Variants in ADGRF3 observed in about 807,000 individuals in gnomAD.
The protein encoded by ADGRF3 is adhesion G protein-coupled receptor F3, also known as G protein-coupled receptor 113.
A neutral mutation model predicts 93.2 loss-of-function variants in ADGRF3; 85 were observed. The ratio of observed to expected loss-of-function variants is 0.91; its 90% CI spans 0.77 to 1.09. ADGRF3 has a LOEUF of 1.09. Among genes scored for constraint, ADGRF3 ranks in the 50% least tolerant of loss-of-function variants. The pLI, the probability that ADGRF3 is intolerant of heterozygous loss-of-function variation, is 0.00. For missense variants in ADGRF3, 1,125 were observed against 1,246.2 expected (o/e 0.90, Z 1.46); for synonymous variants, 534 against 532.5 (o/e 1.00, Z -0.04).
chr2:26,338,331 G>A (rs112129212), intron 1 of ADGRF3, among the ~76,000 whole-genome samples: 1 of 152,166 alleles, frequency 6.6e-6, no homozygotes, highest in African/African-American at 2.4e-5. Context: ...CTGGGCAACA[G>A]AGTGAGACCC....
At position 26,311,550 on chromosome 2, in the gene ADGRF3, C is replaced by T. The variant is rs764308681; in HGVS notation, c.1974G>A (p.Arg658=). 6.2e-7 allele frequency: 1 copy of T among 1,614,008 alleles called. No individual in the cohort carries two copies. The highest frequency in any genetic ancestry group is 8.5e-7 in the Non-Finnish European group (1 of 1,179,904). Residue 658 remains arginine, a synonymous_variant, in exon 10 of 14, where the codon AGG becomes AGA. Coordinates refer to ENST00000651242, the MANE Select transcript of ADGRF3 (RefSeq NM_001321971.2). ...VFWDHSLFQG[R]GGWSKEGCQA... Reference sequence around the variant, plus strand: ...GGCACCCTTCTTTGGACCAACCCCCCCTGCCCTGGAAGAGACTGTGATCCC... The same window carrying T: ...GGCACCCTTCTTTGGACCAACCCCCTCTGCCCTGGAAGAGACTGTGATCCC...
intron 9 of ADGRF3, among the ~76,000 whole-genome samples, chr2:26,312,596 C>T (rs935865801): frequency 6.6e-5 from 10 of 152,186 alleles, no homozygotes; most frequent in African/African-American, 1.9e-4. Flanking sequence ...TACAGAGAGC[C>T]GATTTAGGTG....
At chr2:26,319,154 G>T (rs569768854) in intron 1 of ADGRF3, 79 of 1,235,550 alleles carry the variant, frequency 6.4e-5, no homozygotes, top group Non-Finnish European at 8.8e-5. Context: ...GAGGGAGCCA[G>T]GGCTGAATTT....
intron 1 of ADGRF3, among the ~76,000 whole-genome samples, chr2:26,335,343 C>T (rs1278621244): frequency 1.3e-5 from 2 of 152,156 alleles, no homozygotes; most frequent in Non-Finnish European, 2.9e-5. Flanking sequence ...TTTTCAAGTT[C>T]GTGCTGTAGC....
chr2:26,312,840 C>T (rs1049142453), intron 9 of ADGRF3, 103 bp downstream of exon 9: 2 of 1,109,000 alleles, frequency 1.8e-6, no homozygotes, highest in Non-Finnish European at 2.6e-6. Context: ...GGTCTGCTGC[C>T]CAACAGCCCA....
chr2:26,346,205 C>T lies in ADGRF3; in HGVS notation c.30G>A (p.Ser10=). 1 of 1,613,522 alleles carries T rather than the reference C, an allele frequency of 6.2e-7. No individual in the cohort carries two copies. The highest frequency in any genetic ancestry group is 2.2e-5 in the East Asian group (1 of 44,852). Reference sequence around the variant, plus strand: ...CAGCCTTGTAGCCGGGAGTCGCTGCCGAGTGGGCGCTCAGTTTTCGGGTCG... The same window carrying T: ...CAGCCTTGTAGCCGGGAGTCGCTGCTGAGTGGGCGCTCAGTTTTCGGGTCG... MTTRKLSAH[S]AATPGYKAVT... The change falls in exon 1 of 14, where the codon TCG becomes TCA. Residue 10 remains serine, a synonymous_variant. Transcript: ENST00000651242.
chr2:26,342,068 A>C (rs1676429475), intron 1 of ADGRF3, among the ~76,000 whole-genome samples: 1 of 149,958 alleles, frequency 6.7e-6, no homozygotes, highest in Admixed American at 6.6e-5. Context: ...GCAAGACTCC[A>C]TCTCAAAAAA....
At chr2:26,339,582 T>TG (rs1202066051) in intron 1 of ADGRF3, among the ~76,000 whole-genome samples, 2 of 152,216 alleles carry the variant, frequency 1.3e-5, no homozygotes, top group African/African-American at 4.8e-5. Context: ...TCTTGGGTTT[T>TG]AAGACGTAAT....
At chr2:26,330,210 C>T (rs1417151270) in intron 1 of ADGRF3, among the ~76,000 whole-genome samples, 1 of 152,082 alleles carries the variant, frequency 6.6e-6, no homozygotes, top group Non-Finnish European at 1.5e-5. Flanking sequence ...ACCCAGTGGC[C>T]GGCCCGGGAC....
intron 12 of ADGRF3, 38 bp from the exon 13 acceptor site, chr2:26,309,619 A>G (rs1673869812): frequency 6.2e-7 from 1 of 1,605,340 alleles, no homozygotes; most frequent in African/African-American, 1.3e-5. Flanking sequence ...CAGGGCAGTT[A>G]TTAGTATTGT....
intron 2 of ADGRF3, 84 bp downstream of exon 2, chr2:26,317,412 C>T: frequency 1.5e-6 from 2 of 1,336,184 alleles, no homozygotes; most frequent in Non-Finnish European, 2.1e-6. Flanking sequence ...TGCACCTGCC[C>T]TCTCTTTTCT....
At chr2:26,312,495 T>G (rs11126434) in intron 9 of ADGRF3, among the ~76,000 whole-genome samples, 97,138 of 152,094 alleles carry the variant, frequency 0.64, 31,514 homozygotes, top group East Asian at 0.73. Flanking sequence ...CATTCACACA[T>G]GCCATGTATT....
chr2:26,320,397 G>A (rs1479292181), intron 1 of ADGRF3, among the ~76,000 whole-genome samples: 1 of 152,196 alleles, frequency 6.6e-6, no homozygotes, highest in Non-Finnish European at 1.5e-5. Flanking sequence ...TTAGCAGGCT[G>A]AGGCAGGAGA....
At chr2:26,319,971 C>T (rs919400723) in intron 1 of ADGRF3, among the ~76,000 whole-genome samples, 2 of 152,000 alleles carry the variant, frequency 1.3e-5, no homozygotes, top group Non-Finnish European at 2.9e-5. Context: ...TAATTTTAAA[C>T]TGCGGAAGGT....
intron 12 of ADGRF3, 139 bp from the exon 13 acceptor site, chr2:26,309,720 T>C: frequency 7.8e-7 from 1 of 1,275,726 alleles, no homozygotes; most frequent in Non-Finnish European, 1.1e-6. Context: ...TGCTCTCAGC[T>C]ACAGTAACTC....
chr2:26,344,776 A>G (rs1054808961), intron 1 of ADGRF3, among the ~76,000 whole-genome samples: 24 of 152,154 alleles, frequency 1.6e-4, no homozygotes, highest in Non-Finnish European at 2.6e-4. Flanking sequence ...GGCTGCAGTG[A>G]GCCGTGATCA....
At chr2:26,325,403 G>A (rs1675386727) in intron 1 of ADGRF3, among the ~76,000 whole-genome samples, 1 of 152,224 alleles carries the variant, frequency 6.6e-6, no homozygotes, top group Admixed American at 6.5e-5. Context: ...AAGAAATGGT[G>A]TAAATTTATT....
intron 1 of ADGRF3, among the ~76,000 whole-genome samples, chr2:26,323,788 C>T (rs1266498363): frequency 1.3e-5 from 2 of 151,816 alleles, no homozygotes; most frequent in Non-Finnish European, 2.9e-5. Flanking sequence ...CACCACCACA[C>T]CCAGATAATT....
At chr2:26,338,912 C>A (rs879595934) in intron 1 of ADGRF3, among the ~76,000 whole-genome samples, 32 of 148,102 alleles carry the variant, frequency 2.2e-4, no homozygotes, top group Admixed American at 1.2e-3. Flanking sequence ...CTGGGGTGGG[C>A]GGATCACAAA....
Sources: gnomAD v4.1 joint callset for allele counts (sites outside exome capture counted in the v4.1 genomes callset) on GRCh38, gnomAD v4.1.1 for gene constraint, MANE v1.5 for transcripts, NCBI Gene and HGNC (gene_info 2026-07-23, HGNC 2026-07-21) for gene names.